Variants in RASL12 observed in about 807,000 individuals in gnomAD.
RASL12 encodes ras-like protein family member 12.
In RASL12, 16 loss-of-function variants were observed where a neutral mutation model predicts 22.9. The observed-to-expected ratio is 0.70, with a 90% CI of 0.47 to 1.06. The LOEUF is 1.06. RASL12 is among the 50% of genes least tolerant of loss of function. The probability of loss-of-function intolerance (pLI) is 0.00; values close to 1 mark genes in which losing one functional copy is unlikely to be tolerated. For synonymous variants in RASL12, 159 were observed against 152.2 expected, an observed-to-expected ratio of 1.04 and a Z score of -0.33; for missense variants, 306 against 353.1, an observed-to-expected ratio of 0.87 and a Z score of 1.07.
chr15:65,050,126 G>C (rs374555704), downstream of RASL12: 38 of 1,538,782 alleles, frequency 2.5e-5, no homozygotes, highest in Non-Finnish European at 3.2e-5. Flanking sequence ...ATTGACGGCA[G>C]GGGTGGGGGT....
intron 1 of RASL12, chr15:65,076,401 G>A (rs1026298545): frequency 9.3e-5 from 45 of 486,046 alleles, no homozygotes; most frequent in East Asian, 5.1e-4. Context: ...CACTCACAGC[G>A]AAGGTCTGCA....
In RASL12 at chr15:65,059,422, C is replaced by T. The variant is rs200368310; in HGVS notation, c.161-4G>A. The T allele has an allele frequency of 7.4e-6, 12 of 1,613,152 alleles. No homozygotes were observed. The East Asian group carries it at 1.3e-4, about 18-fold the overall frequency. On this transcript the variant is annotated splice_polypyrimidine_tract_variant and splice_region_variant and intron_variant, in intron 2 of 4. Transcript: ENST00000220062. ...TCCTCGGAGCTGTAGGTGTCCTCTACAACACAGATGGTTAGCCAGGTCAGA... is the reference window on the plus strand; with the variant it reads ...TCCTCGGAGCTGTAGGTGTCCTCTATAACACAGATGGTTAGCCAGGTCAGA...
At chr15:65,072,764 C>T (rs567303294), upstream of RASL12, among the ~76,000 whole-genome samples, 4 of 152,254 alleles carry the variant, frequency 2.6e-5, no homozygotes, top group African/African-American at 9.6e-5. Flanking sequence ...TGAGCACTTC[C>T]CTCCACTGTG....
chr15:65,065,090 T>C, intron 2 of RASL12, 127 bp downstream of exon 2: 1 of 824,310 alleles, frequency 1.2e-6, no homozygotes, highest in Middle Eastern at 3.2e-4. Context: ...GGCTGGGTCA[T>C]CCTGGCGGCT....
intron 2 of RASL12, among the ~76,000 whole-genome samples, chr15:65,060,747 T>C (rs544355727): frequency 5.3e-5 from 8 of 152,316 alleles, no homozygotes; most frequent in Middle Eastern, 6.8e-3. Flanking sequence ...CAGCATCCAC[T>C]GTGAGAGGGC....
chr15:65,058,304 C>T (rs1451409639), intron 4 of RASL12, 123 bp downstream of exon 4: 2 of 732,008 alleles, frequency 2.7e-6, no homozygotes, highest in African/African-American at 1.8e-5. Context: ...ACATATAATC[C>T]CTTCTACCAC....
chr15:65,049,987 G>C (rs931842088), downstream of RASL12: 4 of 1,545,998 alleles, frequency 2.6e-6, no homozygotes, highest in Admixed American at 3.9e-5. Context: ...CGTTGCACAC[G>C]CTACCAGGAG....
Position 65,053,875 on chromosome 15 carries a change from C to A in RASL12, c.*1024G>T. 1 of 985,862 alleles carries A rather than the reference C, an allele frequency of 1.0e-6. No individual in the cohort carries two copies. The highest frequency in any genetic ancestry group is 1.2e-6 in the Non-Finnish European group (1 of 829,944). 61.1% of individuals were successfully genotyped at this position (985,862 alleles called of 1,614,324 possible). A position where few individuals can be genotyped will look rare whatever the true frequency, so the allele number is the denominator to read the frequency against. ...AGCCATGGTGTCTTGGTATAAGCTG[C>A]GGTGACACCACCAAATAACATAAGC... On this transcript the variant is annotated 3_prime_UTR_variant, in exon 5 of 5. Transcript: ENST00000220062.
At chr15:65,053,221 T>G, downstream of RASL12, 1 of 1,590,576 alleles carries the variant, frequency 6.3e-7, no homozygotes, top group Non-Finnish European at 8.5e-7. Context: ...CTCAGCTCAG[T>G]GGCCTGAAAC....
downstream of RASL12, chr15:65,051,577 C>T (rs1408127013): frequency 1.2e-6 from 2 of 1,613,624 alleles, no homozygotes; most frequent in African/African-American, 1.3e-5. Context: ...AAGCATGGTC[C>T]TCCTGGGAAG....
chr15:65,053,492 A>G lies in RASL12; in HGVS notation c.*1407T>C. ...TCCGTAGCTGGCCTGTGGGTCGGGAAGCCTGTAGGACTGCAAGCATGTGGT... is the reference window on the plus strand; with the variant it reads ...TCCGTAGCTGGCCTGTGGGTCGGGAGGCCTGTAGGACTGCAAGCATGTGGT... On this transcript the variant is annotated 3_prime_UTR_variant, in exon 5 of 5. Transcript: ENST00000220062. 8.9e-7 allele frequency: 1 copy of G among 1,127,558 alleles called. No individual in the cohort carries two copies. The highest frequency in any genetic ancestry group is 1.1e-6 in the Non-Finnish European group (1 of 918,482). 69.8% of individuals were successfully genotyped at this position (1,127,558 alleles called of 1,614,324 possible). A position where few individuals can be genotyped will look rare whatever the true frequency, so the allele number is the denominator to read the frequency against.
intron 1 of RASL12, among the ~76,000 whole-genome samples, chr15:65,065,725 G>A (rs538506300): frequency 6.6e-6 from 1 of 152,304 alleles, no homozygotes; most frequent in African/African-American, 2.4e-5. Context: ...GTTGATTGCA[G>A]TGGTTGATCT....
intron 4 of RASL12, 114 bp from the exon 5 acceptor site, chr15:65,055,388 C>CA: frequency 1.1e-6 from 1 of 873,196 alleles, no homozygotes; most frequent in Non-Finnish European, 1.7e-6. Context: ...GGGTCATCTT[C>CA]ACCTCTCTGA....
At chr15:65,072,329 C>T (rs143866010), upstream of RASL12, among the ~76,000 whole-genome samples, 3 of 152,376 alleles carry the variant, frequency 2.0e-5, no homozygotes, top group African/African-American at 7.2e-5. Context: ...CACATCCCAT[C>T]ACTGCTTTGA....
upstream of RASL12, chr15:65,068,351 T>C: frequency 3.2e-6 from 3 of 931,438 alleles, no homozygotes; most frequent in Non-Finnish European, 3.8e-6. The surrounding 1 kb of genome is among the most constrained non-coding windows in gnomAD (Gnocchi z 4.2). Context: ...CGCCTCCTCC[T>C]CCAGGAAGCT....
Position 65,054,881 on chromosome 15 carries a change from C to A in RASL12, c.*18G>T, listed in dbSNP as rs1420680601. 2.5e-6 allele frequency: 4 copies of A among 1,599,006 alleles called. No homozygotes were observed. Among genetic ancestry groups the A allele is most frequent in the Non-Finnish European group, 8.5e-7 (1 of 1,170,520 alleles). On this transcript the variant is annotated 3_prime_UTR_variant, in exon 5 of 5. Transcript: ENST00000220062. ...GTCCTGTCCAGCCACCGAGCCTAGG[C>A]TTCCTGGGGAGGGGGCCTCAGAAGA...
chr15:65,067,205 G>C (rs1354221134), intron 1 of RASL12, among the ~76,000 whole-genome samples: 4 of 152,114 alleles, frequency 2.6e-5, no homozygotes, highest in Admixed American at 2.6e-4. Flanking sequence ...GGGTGTGGAG[G>C]GGGAGGGGTT....
At chr15:65,068,059 C>T, upstream of RASL12, 2 of 1,093,456 alleles carry the variant, frequency 1.8e-6, no homozygotes, top group Non-Finnish European at 2.2e-6. This position sits in a 1 kb window ranked among gnomAD's most constrained non-coding sequence, Gnocchi z 4.2. Context: ...CCACCAAATT[C>T]CTTGTAAGGG....
chr15:65,064,649 T>G (rs889020035), intron 2 of RASL12, among the ~76,000 whole-genome samples: 3 of 151,620 alleles, frequency 2.0e-5, no homozygotes, highest in African/African-American at 4.9e-5. Context: ...CAGGCTGGAG[T>G]GCAGTGGCAC....
Sources: gnomAD v4.1 joint callset for allele counts (sites outside exome capture counted in the v4.1 genomes callset) on GRCh38, gnomAD v4.1.1 for gene constraint, Gnocchi (gnomAD v3.1) non-coding constraint, MANE v1.5 for transcripts, NCBI Gene and HGNC (gene_info 2026-07-23, HGNC 2026-07-21) for gene names.